The following RAD51B variants were observed in gnomAD, a reference collection of about 807,000 sequenced individuals.
RAD51B encodes RAD51 paralog B, also known as DNA repair protein RAD51 homolog 2.
Under a neutral mutation model 42.2 loss-of-function variants are expected in RAD51B, and 38 were observed. The observed-to-expected ratio is 0.90, with a 90% CI of 0.70 to 1.18. The LOEUF (loss-of-function observed/expected upper bound fraction) is 1.18. Among genes scored for constraint, RAD51B ranks in the 50% most tolerant of loss-of-function variants. The pLI is 0.00. For missense variants in RAD51B, 373 were observed against 400.7 expected, an observed-to-expected ratio of 0.93 and a Z score of 0.59; for synonymous variants, 154 against 145.2, an observed-to-expected ratio of 1.06 and a Z score of -0.43.
chr14:68,516,827 G>A lies in RAD51B; in HGVS notation c.1036+48577G>A, dbSNP rs185049622. The stretch of plus-strand genomic sequence containing the variant: ...ATATATTTCTTGATGAAAACTAAAA[G>A]TTCTTATTTGTTAATATCACTGATC... On this transcript the variant is annotated intron_variant, in intron 10 of 10. Transcript: ENST00000487270. 5.3e-5 allele frequency among the ~76,000 whole-genome samples: 8 copies of A among 152,262 alleles called. No homozygotes were observed. In the East Asian group the frequency reaches 1.3e-3, roughly 26 times the overall value.
chr14:68,476,903 C>G (rs764848987), intron 10 of RAD51B, among the ~76,000 whole-genome samples: 7 of 152,196 alleles, frequency 4.6e-5, no homozygotes, highest in Non-Finnish European at 1.0e-4. Context: ...GACATCTCCC[C>G]AGCTAGACTG....
At chr14:67,948,471 A>G (rs1236711314) in intron 7 of RAD51B, among the ~76,000 whole-genome samples, 2 of 152,192 alleles carry the variant, frequency 1.3e-5, no homozygotes, top group Non-Finnish European at 2.9e-5. Flanking sequence ...TGCTTACAGT[A>G]TACAGCCATA....
At chr14:68,359,063 C>T (rs2082965928) in intron 8 of RAD51B, among the ~76,000 whole-genome samples, 2 of 152,102 alleles carry the variant, frequency 1.3e-5, no homozygotes, top group Admixed American at 1.3e-4. Flanking sequence ...GCACACCCCA[C>T]CTGCTTGGAG....
In RAD51B at chr14:68,351,015, C is replaced by T. The variant is rs1051285511; in HGVS notation, c.853+59035C>T. Reference sequence around the variant, plus strand: ...TCTGGCCTTATTTTCAGTAGCTCCACTGAATTCACTTCTTTTCAATAAACT... The same window carrying T: ...TCTGGCCTTATTTTCAGTAGCTCCATTGAATTCACTTCTTTTCAATAAACT... On this transcript the variant is annotated intron_variant, in intron 8 of 10. Coordinates refer to ENST00000471583, the MANE Select transcript of RAD51B (RefSeq NM_133510.4). Among the ~76,000 whole-genome samples the T allele has an allele frequency of 3.9e-5, 6 of 152,220 alleles. No homozygotes were observed. The East Asian group carries it at 1.2e-3, about 29-fold the overall frequency.
chr14:68,162,936 A>C (rs945600156), intron 7 of RAD51B, among the ~76,000 whole-genome samples: 31 of 152,266 alleles, frequency 2.0e-4, no homozygotes, highest in African/African-American at 7.5e-4. Context: ...TAATGAAAGC[A>C]GAAGAATGCG....
chr14:68,246,877 G>A (rs1314277649), intron 7 of RAD51B, among the ~76,000 whole-genome samples: 1 of 152,172 alleles, frequency 6.6e-6, no homozygotes, highest in African/African-American at 2.4e-5. Context: ...CTTGTAGCCT[G>A]TTTGTTTTAG....
chr14:68,585,594 G>C (rs1310715624), intron 10 of RAD51B, among the ~76,000 whole-genome samples: 2 of 152,220 alleles, frequency 1.3e-5, no homozygotes, highest in African/African-American at 4.8e-5. Context: ...AGGATGACCT[G>C]TCCCAGGTAA....
intron 10 of RAD51B, among the ~76,000 whole-genome samples, chr14:68,500,890 T>C (rs1000730919): frequency 6.6e-6 from 1 of 152,206 alleles, no homozygotes; most frequent in Non-Finnish European, 1.5e-5. Context: ...GAGAGGACAC[T>C]GGCTGTTAAG....
At chr14:67,985,696 G>A (rs376415702) in intron 7 of RAD51B, among the ~76,000 whole-genome samples, 8 of 151,260 alleles carry the variant, frequency 5.3e-5, no homozygotes, top group Non-Finnish European at 7.4e-5. Context: ...GATCGCTTGC[G>A]TTCCAGACCA....
intron 4 of RAD51B, chr14:67,843,630 A>T (rs543412931): frequency 6.6e-6 from 1 of 151,686 alleles, no homozygotes; most frequent in African/African-American, 2.4e-5. Context: ...TAGGTTTTCT[A>T]GTTAGTGTAC....
chr14:68,406,901 G>A (rs2084290587), intron 8 of RAD51B, among the ~76,000 whole-genome samples: 1 of 151,794 alleles, frequency 6.6e-6, no homozygotes, highest in African/African-American at 2.4e-5. Flanking sequence ...CATTAGCCTA[G>A]GACTACACAG....
At chr14:68,431,916 C>T (rs1358169454) in intron 9 of RAD51B, among the ~76,000 whole-genome samples, 1 of 152,206 alleles carries the variant, frequency 6.6e-6, no homozygotes, top group Non-Finnish European at 1.5e-5. Flanking sequence ...CTACACCCTG[C>T]TTTAAATGTG....
At chr14:68,633,584 A>G (rs1485103415) in intron 10 of RAD51B, among the ~76,000 whole-genome samples, 5 of 152,200 alleles carry the variant, frequency 3.3e-5, no homozygotes, top group Non-Finnish European at 7.3e-5. Context: ...GGGGGAAGTT[A>G]GCTCTGTTCT....
intron 7 of RAD51B, among the ~76,000 whole-genome samples, chr14:68,206,119 T>C (rs2079579850): frequency 6.6e-6 from 1 of 152,224 alleles, no homozygotes; most frequent in Non-Finnish European, 1.5e-5. Flanking sequence ...TTTTAAAGAA[T>C]TTAAGCCCCC....
intron 7 of RAD51B, among the ~76,000 whole-genome samples, chr14:68,214,180 G>T (rs2079767407): frequency 6.6e-6 from 1 of 152,172 alleles, no homozygotes; most frequent in Non-Finnish European, 1.5e-5. Flanking sequence ...GAAGCCAGGG[G>T]TGCACCTGAC....
chr14:68,194,662 A>G (rs1342134068), intron 7 of RAD51B, among the ~76,000 whole-genome samples: 2 of 152,240 alleles, frequency 1.3e-5, no homozygotes, highest in African/African-American at 4.8e-5. Flanking sequence ...AGTAATGTTT[A>G]TAACTGTGAT....
chr14:67,916,912 G>A (rs1293624065), intron 7 of RAD51B, among the ~76,000 whole-genome samples: 1 of 152,140 alleles, frequency 6.6e-6, no homozygotes, highest in African/African-American at 2.4e-5. Flanking sequence ...GCAATAAAAA[G>A]GAATTGTATG....
chr14:68,546,521 A>T (rs1292013170), intron 10 of RAD51B, among the ~76,000 whole-genome samples: 1 of 152,220 alleles, frequency 6.6e-6, no homozygotes, highest in Non-Finnish European at 1.5e-5. Context: ...TCCACTAGAG[A>T]TGTCCAGTAG....
intron 8 of RAD51B, among the ~76,000 whole-genome samples, chr14:68,351,116 A>G (rs2139871859): frequency 6.6e-6 from 1 of 152,272 alleles, no homozygotes; most frequent in East Asian, 1.9e-4. Context: ...TAAGACATAG[A>G]CCCTGCCCAA....
Sources: gnomAD v4.1 joint callset for allele counts (sites outside exome capture counted in the v4.1 genomes callset) on GRCh38, gnomAD v4.1.1 for gene constraint, MANE v1.5 for transcripts, NCBI Gene and HGNC (gene_info 2026-07-23, HGNC 2026-07-21) for gene names.